TRIP12: variants seen among roughly 807,000 people sequenced by gnomAD.
TRIP12 encodes the protein E3 ubiquitin-protein ligase TRIP12.
TRIP12 carries 25 observed loss-of-function variants against 244.2 expected under a neutral mutation model. That is an observed-to-expected ratio of 0.10 (90% CI 0.07 to 0.14). The LOEUF (loss-of-function observed/expected upper bound fraction) is 0.14, where lower values mean the gene tolerates loss of function less well. Among genes scored for constraint, TRIP12 ranks in the 10% least tolerant of loss-of-function variants. TRIP12 has a pLI of 1.00. For missense variants in TRIP12, 1,677 were observed against 2,486.4 expected, an observed-to-expected ratio of 0.67 and a Z score of 6.92; for synonymous variants, 905 against 873.1, an observed-to-expected ratio of 1.04 and a Z score of -0.64.
chr2:229,797,255 A>G (rs1016597240), intron 24 of TRIP12, among the ~76,000 whole-genome samples: 1 of 152,138 alleles, frequency 6.6e-6, no homozygotes, highest in African/African-American at 2.4e-5. Context: ...AAAAATAAAA[A>G]TAAGAACAAA....
chr2:229,818,443 A>G lies in TRIP12; in HGVS notation c.1520T>C (p.Ile507Thr). ...CATGACCAGTAACTGACACATCTCA[A>G]TAACTGCCTGAAGCTGTTGACTTTC... is the stretch of plus-strand genomic sequence containing the variant. ...SDESQQLQAV[I>T]EMCQLLVMGN... The change falls in exon 9 of 42, where the codon ATT becomes ACT. Residue 507 changes from isoleucine (I) to threonine (T), a missense_variant. By Grantham distance (89) the Ile-to-Thr change is moderately conservative. Around this residue, in one of 11 missense-constraint regions of TRIP12, gnomAD observed 5 missense variants for 28.4 expected, o/e 0.18. Coordinates refer to ENST00000675903, the MANE Select transcript of TRIP12 (RefSeq NM_001348323.3). The G allele has an allele frequency of 1.2e-6, 2 of 1,614,100 alleles. No individual in the cohort carries two copies. Among genetic ancestry groups the G allele is most frequent in the South Asian group, 1.1e-5 (1 of 91,072 alleles).
Position 229,767,722 on chromosome 2 carries a change from T to C in TRIP12, c.6036A>G (p.Thr2012=). The change falls in exon 42 of 42, where the codon ACA becomes ACG. Residue 2012 remains threonine, a synonymous_variant. Coordinates refer to ENST00000675903, the MANE Select transcript of TRIP12 (RefSeq NM_001348323.3). ...GGFRSLNPPL[T]IVRKTFESTE... is the part of the protein sequence containing the mutation. ...TTGATTCAAACGTCTTTCGGACAAT[T>C]GTCAAAGGTGGATTCAAACTCCGGA... is the stretch of plus-strand genomic sequence containing the variant. 6.2e-7 allele frequency: 1 copy of C among 1,612,764 alleles called. No individual in the cohort carries two copies. The highest frequency in any genetic ancestry group is 8.5e-7 in the Non-Finnish European group (1 of 1,179,668).
At position 229,871,620 on chromosome 2, in the gene TRIP12, G is replaced by A. The variant is rs150668815; in HGVS notation, c.98+8362C>T. 3.0e-3 allele frequency among the ~76,000 whole-genome samples: 455 copies of A among 152,178 alleles called. 7 individuals carry two copies. The highest frequency in any genetic ancestry group is 8.0e-3 in the African/African-American group (334 of 41,530). ...GCCCTCACCAGGAGCAGATGCCAGCGCCACACTTTTTGTACAGCCCACAGA... is the reference window on the plus strand; with the variant it reads ...GCCCTCACCAGGAGCAGATGCCAGCACCACACTTTTTGTACAGCCCACAGA... On this transcript the variant is annotated intron_variant, in intron 2 of 41. Coordinates refer to ENST00000675903, the MANE Select transcript of TRIP12 (RefSeq NM_001348323.3).
chr2:229,900,024 G>A (rs2070190738), intron 1 of TRIP12, among the ~76,000 whole-genome samples: 1 of 152,134 alleles, frequency 6.6e-6, no homozygotes, highest in South Asian at 2.1e-4. Flanking sequence ...CTGTTGTTTG[G>A]TTTGTTTTTA....
intron 37 of TRIP12, among the ~76,000 whole-genome samples, chr2:229,774,848 C>T (rs1351375294): frequency 2.6e-5 from 4 of 151,558 alleles, no homozygotes; most frequent in South Asian, 2.1e-4. Context: ...AAAAAAAGTT[C>T]CAAGAAATCC....
At chr2:229,879,862 CA>C in intron 2 of TRIP12, 119 bp downstream of exon 2, 2 of 1,154,304 alleles carry the variant, frequency 1.7e-6, no homozygotes, top group Admixed American at 2.1e-5. Flanking sequence ...ACCTGGCTCA[CA>C]AATCAGGAAA....
chr2:229,866,371 T>C (rs963556076), intron 2 of TRIP12, among the ~76,000 whole-genome samples: 26 of 152,344 alleles, frequency 1.7e-4, no homozygotes, highest in African/African-American at 6.0e-4. Flanking sequence ...CAAATACAGA[T>C]GCACTATAAT....
rs765441004 is a variant in TRIP12 at position 229,880,052 on chromosome 2, C to G, written c.28G>C (p.Gly10Arg). The G allele has an allele frequency of 2.5e-6, 4 of 1,614,104 alleles. No homozygotes were observed. The highest frequency in any genetic ancestry group is 3.4e-6 in the Non-Finnish European group (4 of 1,180,028). The stretch of plus-strand genomic sequence containing the variant: ...CTCTGTGAACGTCGCAGTGACCCCC[C>G]TGGATTGTTATTAGGCCGGTTGGAC... MSNRPNNNP[G>R]GSLRRSQRNT... is the part of the protein sequence containing the mutation. Residue 10 changes from glycine (G) to arginine (R), a missense_variant, in exon 2 of 42, where the codon GGG becomes CGG. Physicochemically the swap from Gly to Arg is moderately radical, Grantham distance 125. This residue lies in a region of TRIP12 where 387 missense variants were observed against 392.6 expected (regional missense o/e 0.99). Transcript: ENST00000675903.
chr2:229,796,574 A>T lies in TRIP12; in HGVS notation c.3816+17T>A. On this transcript the variant is annotated intron_variant, in intron 25 of 41. Transcript: ENST00000675903. ...ACTGATTCTTAAAAGATACACAGGC[A>T]TTATTAGATAACTTACTGGAGAAGA... 2 of 1,559,822 alleles carry T rather than the reference A, an allele frequency of 1.3e-6. No individual in the cohort carries two copies. The highest frequency in any genetic ancestry group is 4.5e-5 in the East Asian group (2 of 44,124).
chr2:229,803,783 T>C, intron 19 of TRIP12, 94 bp from the exon 20 acceptor site: 5 of 970,142 alleles, frequency 5.2e-6, no homozygotes, highest in South Asian at 4.8e-5. Context: ...AGCATTTTCA[T>C]TGTGAAACCA....
intron 4 of TRIP12, among the ~76,000 whole-genome samples, chr2:229,843,090 TTC>T (rs1210635802): frequency 9.1e-5 from 9 of 99,262 alleles, no homozygotes; most frequent in African/African-American, 2.7e-4. Flanking sequence ...CCCTCCCTCC[TTC>T]TCTCTCTCCC....
At chr2:229,802,157 C>T (rs1002227086) in intron 21 of TRIP12, 95 bp downstream of exon 21, 7 of 891,472 alleles carry the variant, frequency 7.9e-6, no homozygotes, top group Non-Finnish European at 1.1e-5. Flanking sequence ...TATATATATG[C>T]TAATATGTTA....
intron 22 of TRIP12, 55 bp downstream of exon 22, chr2:229,799,228 T>C (rs1012433378): frequency 1.0e-4 from 166 of 1,588,842 alleles, no homozygotes; most frequent in Admixed American, 2.8e-4. Context: ...AGTACATTTC[T>C]GCACCTGCTA....
At chr2:229,917,379 TCAAAAAAAAAAAAAAAAA>T (rs2075656074) in intron 1 of TRIP12, among the ~76,000 whole-genome samples, 1 of 19,154 alleles carries the variant, frequency 5.2e-5, no homozygotes, top group Non-Finnish European at 8.4e-5. Context: ...AGACTCTGTC[TCAAAAAAAAAAAAAAAAA>T]AAAAAAAAAA....
chr2:229,845,302 C>T (rs572482576), intron 4 of TRIP12, among the ~76,000 whole-genome samples: 17 of 152,184 alleles, frequency 1.1e-4, no homozygotes, highest in African/African-American at 3.6e-4. Context: ...AAATTCAGAC[C>T]GTAAGTCATT....
rs758231198 is a variant in TRIP12, at chr2:229,796,798, A to G, written c.3625-16T>C. On this transcript the variant is annotated splice_polypyrimidine_tract_variant and intron_variant, in intron 24 of 41. Transcript: ENST00000675903. ...CACCATCCACCTGAAAGAGTTAGGA[A>G]AAGTATTTCTATATTGATTTAAGCA... The G allele has an allele frequency of 3.2e-6, 5 of 1,540,050 alleles. No homozygotes were observed. Among genetic ancestry groups the G allele is most frequent in the South Asian group, 1.3e-5 (1 of 78,216 alleles).
chr2:229,878,494 C>T (rs1259324144), intron 2 of TRIP12, among the ~76,000 whole-genome samples: 1 of 151,832 alleles, frequency 6.6e-6, no homozygotes, highest in African/African-American at 2.4e-5. Flanking sequence ...CGCAAAGCTG[C>T]CCTAGTCCAA....
rs1462294066 is a variant in TRIP12 at position 229,867,125 on chromosome 2, G to A, written c.99-6594C>T. ...TTTTTTTTTGTTTTTTTTTTTAAGTGTAGGCTATGGTCAGACAGGGAAGGT... is the reference window on the plus strand; with the variant it reads ...TTTTTTTTTGTTTTTTTTTTTAAGTATAGGCTATGGTCAGACAGGGAAGGT... On this transcript the variant is annotated intron_variant, in intron 2 of 41. Transcript: ENST00000675903. 4.4e-5 allele frequency among the ~76,000 whole-genome samples: 6 copies of A among 137,148 alleles called. No individual in the cohort carries two copies. The East Asian group carries it at 1.3e-3, about 29-fold the overall frequency. 90.0% of individuals were successfully genotyped at this position (137,148 alleles called of 152,430 possible). A position where few individuals can be genotyped will look rare whatever the true frequency, so the allele number is the denominator to read the frequency against.
chr2:229,815,057 C>T (rs1389945863), intron 11 of TRIP12, 42 bp downstream of exon 11: 2 of 1,486,858 alleles, frequency 1.3e-6, no homozygotes, highest in Non-Finnish European at 1.8e-6. Flanking sequence ...AACTTGACTC[C>T]CTATGCCTGC....
Sources: gnomAD v4.1 joint callset for allele counts (sites outside exome capture counted in the v4.1 genomes callset) on GRCh38, gnomAD v4.1.1 for gene constraint, gnomAD v4.1.1 regional missense constraint, MANE v1.5 for transcripts, NCBI Gene and HGNC (gene_info 2026-07-23, HGNC 2026-07-21) for gene names.